Variants in NEURL1 observed in about 807,000 individuals in gnomAD.
The protein encoded by NEURL1 is neuralized E3 ubiquitin protein ligase 1.
NEURL1 carries 26 observed loss-of-function variants against 41.2 expected under a neutral mutation model. That is an observed-to-expected ratio of 0.63 (90% CI 0.46 to 0.87). The LOEUF is 0.87. Ranked by LOEUF, NEURL1 falls within the 40% of genes least tolerant of loss-of-function variation. The probability of loss-of-function intolerance (pLI) is 0.00; values close to 1 mark genes in which losing one functional copy is unlikely to be tolerated. For synonymous variants in NEURL1, 400 were observed against 402.3 expected, an observed-to-expected ratio of 0.99 and a Z score of 0.07; for missense variants, 761 against 871.1, an observed-to-expected ratio of 0.87 and a Z score of 1.59.
intron 1 of NEURL1, among the ~76,000 whole-genome samples, chr10:103,541,554 A>G (rs935025954): frequency 6.6e-6 from 1 of 152,176 alleles, no homozygotes; most frequent in African/African-American, 2.4e-5. Flanking sequence ...CACACGCATC[A>G]CTAGCTGGGG....
intron 1 of NEURL1, among the ~76,000 whole-genome samples, chr10:103,557,485 A>C (rs1251011009): frequency 6.6e-6 from 1 of 152,172 alleles, no homozygotes; most frequent in African/African-American, 2.4e-5. Context: ...GTGAGCGCTC[A>C]TCAAATGCCA....
At chr10:103,510,116 A>G (rs17737062) in intron 1 of NEURL1, among the ~76,000 whole-genome samples, 26,436 of 152,076 alleles carry the variant, frequency 0.17, 2,972 homozygotes, top group Non-Finnish European at 0.25. Context: ...AGGGGCCGGT[A>G]GAGCAACCTC....
chr10:103,574,025 A>G lies in NEURL1; in HGVS notation c.649+2203A>G, dbSNP rs537208386. On this transcript the variant is annotated intron_variant, in intron 3 of 5. Coordinates refer to ENST00000369780, the MANE Select transcript of NEURL1 (RefSeq NM_004210.5). ...GTCTCACTCAGTCGGGCTGCTCTCC[A>G]GAGTGGAGGCTTCTGCCTGACCTGC... Among the ~76,000 whole-genome samples the G allele has an allele frequency of 2.1e-3, 315 of 152,290 alleles. 3 individuals carry two copies. Among genetic ancestry groups the G allele is most frequent in the African/African-American group, 7.1e-3 (297 of 41,560 alleles).
chr10:103,529,246 TA>T (rs2034522644), intron 1 of NEURL1, among the ~76,000 whole-genome samples: 1 of 152,232 alleles, frequency 6.6e-6, no homozygotes, highest in Admixed American at 6.5e-5. Context: ...AGGCACCTTT[TA>T]AAATTGCCTT....
chr10:103,572,111 C>T (rs2035563517), intron 3 of NEURL1, among the ~76,000 whole-genome samples: 1 of 152,218 alleles, frequency 6.6e-6, no homozygotes, highest in South Asian at 2.1e-4. Flanking sequence ...CCTCAAAGAC[C>T]ACCACCCCAG....
In NEURL1 at chr10:103,534,353, T is replaced by C. The variant is rs142558241; in HGVS notation, c.86-36519T>C. 7.7e-4 allele frequency among the ~76,000 whole-genome samples: 117 copies of C among 152,342 alleles called. 2 individuals are homozygous for C. The East Asian group carries it at 0.021, about 27-fold the overall frequency. Reference sequence around the variant, plus strand: ...TTTCTTTTGTCCCCACATCCTCACATTGATGTCTGTACATCTAGTGGATCA... The same window carrying C: ...TTTCTTTTGTCCCCACATCCTCACACTGATGTCTGTACATCTAGTGGATCA... On this transcript the variant is annotated intron_variant, in intron 1 of 5. Transcript: ENST00000369780.
chr10:103,537,908 C>T (rs895335562), intron 1 of NEURL1, among the ~76,000 whole-genome samples: 1 of 152,012 alleles, frequency 6.6e-6, no homozygotes, highest in African/African-American at 2.4e-5. Flanking sequence ...CCTGCTGCAC[C>T]CCCCGCCTCT....
intron 3 of NEURL1, among the ~76,000 whole-genome samples, chr10:103,581,869 A>G (rs1224544977): frequency 6.6e-6 from 1 of 152,180 alleles, no homozygotes; most frequent in African/African-American, 2.4e-5. Context: ...GGTTAAATAC[A>G]GGGAGGTAGA....
chr10:103,560,720 A>G (rs1231174191), intron 1 of NEURL1, among the ~76,000 whole-genome samples: 1 of 152,124 alleles, frequency 6.6e-6, no homozygotes. Flanking sequence ...TGAGCATGCC[A>G]GTTAGCTAGC....
rs767755682 is a variant in NEURL1 at position 103,504,242 on chromosome 10, C to T, written c.85+9770C>T. 7.4e-4 allele frequency among the ~76,000 whole-genome samples: 112 copies of T among 152,220 alleles called. 1 individual carries two copies. Among genetic ancestry groups the T allele is most frequent in the Admixed American group, 1.2e-3 (19 of 15,286 alleles). ...CCCTGAACTTGTGATCTGCCCTCCT[C>T]GGCCTCCCAGAGTGCTGGGATTACA... On this transcript the variant is annotated intron_variant, in intron 1 of 5. Transcript: ENST00000369780.
intron 1 of NEURL1, among the ~76,000 whole-genome samples, chr10:103,523,469 A>G (rs1230762826): frequency 6.6e-6 from 1 of 151,992 alleles, no homozygotes; most frequent in Non-Finnish European, 1.5e-5. Context: ...AAAAAAAAGA[A>G]AAGAAAAAGA....
chr10:103,544,987 A>G lies in NEURL1; in HGVS notation c.86-25885A>G, dbSNP rs550474139. Among the ~76,000 whole-genome samples the G allele has an allele frequency of 4.6e-5, 7 of 152,346 alleles. No individual in the cohort carries two copies. In the South Asian group the frequency reaches 8.3e-4, roughly 18 times the overall value. On this transcript the variant is annotated intron_variant, in intron 1 of 5. Transcript: ENST00000369780. ...TGCCAGGGAAGGCTTTGCTTTCTCA[A>G]TGATGACCCTGCACAGTCCTGGGGT...
At position 103,584,672 on chromosome 10, in the gene NEURL1, C is replaced by T. The variant is rs2035860814; in HGVS notation, c.786C>T (p.Gly262=). 1.4e-6 allele frequency: 2 copies of T among 1,427,280 alleles called. No homozygotes were observed. Among genetic ancestry groups the T allele is most frequent in the Admixed American group, 3.0e-5 (1 of 33,586 alleles). The allele number at this position is 1,427,280 out of a possible 1,614,324, so 88.4% of individuals were successfully genotyped here. ...LCDLNVPGAD[G]DEAAPAAGCP... is the part of the protein sequence containing the mutation. The stretch of plus-strand genomic sequence containing the variant: ...ACCTCAACGTGCCGGGCGCGGACGG[C>T]GACGAGGCCGCGCCGGCCGCCGGCT... The change falls in exon 4 of 6, where the codon GGC becomes GGT. Residue 262 remains glycine, a synonymous_variant. Transcript: ENST00000369780.
At chr10:103,583,787 A>G (rs1266687809) in intron 3 of NEURL1, among the ~76,000 whole-genome samples, 3 of 107,674 alleles carry the variant, frequency 2.8e-5, no homozygotes, top group Middle Eastern at 5.8e-3. Flanking sequence ...AAAAGATCAT[A>G]CATCCAAATA....
chr10:103,578,513 G>A (rs1256100928), intron 3 of NEURL1, among the ~76,000 whole-genome samples: 1 of 152,216 alleles, frequency 6.6e-6, no homozygotes, highest in Non-Finnish European at 1.5e-5. Context: ...GAGGGGATAG[G>A]TGCTAGGTCC....
chr10:103,559,157 G>A (rs1246828889), intron 1 of NEURL1, among the ~76,000 whole-genome samples: 1 of 152,158 alleles, frequency 6.6e-6, no homozygotes, highest in African/African-American at 2.4e-5. Flanking sequence ...AGGCAGCAGC[G>A]GAGAAGGCAT....
chr10:103,542,363 G>A lies in NEURL1; in HGVS notation c.86-28509G>A, dbSNP rs1049112711. Among the ~76,000 whole-genome samples, 62 of 152,152 alleles carry A rather than the reference G, an allele frequency of 4.1e-4. 1 individual carries two copies. The highest frequency in any genetic ancestry group is 7.9e-4 in the Admixed American group (12 of 15,268). ...CAGCTTTGACCTCCTGAGCTAAAGC[G>A]ACCCTCTCATCTCAGCCTTCCAAGT... On this transcript the variant is annotated intron_variant, in intron 1 of 5. Transcript: ENST00000369780.
chr10:103,555,998 G>T (rs1262853755), intron 1 of NEURL1, among the ~76,000 whole-genome samples: 1 of 152,262 alleles, frequency 6.6e-6, no homozygotes, highest in Non-Finnish European at 1.5e-5. Context: ...ACCTGTGCCG[G>T]CTTGTGCCTA....
chr10:103,585,132 G>A lies in NEURL1; in HGVS notation c.1246G>A (p.Ala416Thr). Residue 416 changes from alanine (A) to threonine (T), a missense_variant, in exon 4 of 6, where the codon GCG becomes ACG. By Grantham distance (58) the Ala-to-Thr change is moderately conservative. This residue lies in a region of NEURL1 where 443 missense variants were observed against 408.1 expected (regional missense o/e 1.09). Transcript: ENST00000369780. ...DGELHLSHNG[A>T]AAGMQLCVDA... ...CGAGCTGCACCTCAGCCACAATGGC[G>A]CGGCCGCCGGCATGCAGCTGTGCGT... is the stretch of plus-strand genomic sequence containing the variant. The A allele has an allele frequency of 1.3e-6, 2 of 1,590,392 alleles. No homozygotes were observed. Among genetic ancestry groups the A allele is most frequent in the Non-Finnish European group, 1.7e-6 (2 of 1,175,666 alleles).
Sources: allele counts gnomAD v4.1 joint callset (sites outside exome capture counted in the v4.1 genomes callset), GRCh38; gene constraint gnomAD v4.1.1; regional missense constraint gnomAD v4.1.1; transcripts MANE v1.5; gene names NCBI Gene and HGNC (gene_info 2026-07-23, HGNC 2026-07-21).